The following TMEM132B variants were observed in gnomAD, a reference collection of about 807,000 sequenced individuals.
TMEM132B encodes the protein transmembrane protein 132B.
Under a neutral mutation model 90.8 loss-of-function variants are expected in TMEM132B, and 18 were observed. The ratio of observed to expected loss-of-function variants is 0.20; its 90% CI spans 0.14 to 0.29. TMEM132B has a LOEUF of 0.29. Among genes scored for constraint, TMEM132B ranks in the 10% least tolerant of loss-of-function variants. The probability of loss-of-function intolerance (pLI) is 1.00; values close to 1 mark genes in which losing one functional copy is unlikely to be tolerated. For missense variants in TMEM132B, 1,096 were observed against 1,326.8 expected (o/e 0.83, Z 2.70); for synonymous variants, 504 against 523.3 (o/e 0.96, Z 0.50).
intron 5 of TMEM132B, among the ~76,000 whole-genome samples, chr12:125,641,410 A>G (rs1285832234): frequency 6.6e-6 from 1 of 152,198 alleles, no homozygotes; most frequent in Admixed American, 6.5e-5. Context: ...GTTTCTGTAT[A>G]TCTAATATAT....
chr12:125,328,935 GCAA>G (rs1876678546), intron 1 of TMEM132B, among the ~76,000 whole-genome samples: 1 of 152,160 alleles, frequency 6.6e-6, no homozygotes, highest in South Asian at 2.1e-4. Context: ...TATCCTCCCT[GCAA>G]CTTCAGTGCC....
At chr12:125,606,142 T>C (rs917872600) in intron 5 of TMEM132B, among the ~76,000 whole-genome samples, 3 of 152,094 alleles carry the variant, frequency 2.0e-5, no homozygotes, top group African/African-American at 4.8e-5. Context: ...CCGAGAGATA[T>C]TGTGTCCTCT....
intron 3 of TMEM132B, among the ~76,000 whole-genome samples, chr12:125,417,720 CTCCT>C (rs1880056074): frequency 1.3e-5 from 2 of 152,150 alleles, no homozygotes. Context: ...AGGCCCTTCC[CTCCT>C]GGAGGCAAGA....
chr12:125,274,819 C>A (rs1391780479), intron 1 of TMEM132B, among the ~76,000 whole-genome samples: 1 of 152,096 alleles, frequency 6.6e-6, no homozygotes, highest in Non-Finnish European at 1.5e-5. Flanking sequence ...GCCTCTCATT[C>A]ACCTGAGATG....
intron 3 of TMEM132B, among the ~76,000 whole-genome samples, chr12:125,444,728 G>T (rs960965762): frequency 2.0e-5 from 3 of 152,144 alleles, no homozygotes; most frequent in Non-Finnish European, 4.4e-5. Context: ...CACTAATCTA[G>T]GTGTTGCAAT....
rs767342934 is a variant in TMEM132B at position 125,652,568 on chromosome 12, G to A, written c.2042G>A (p.Arg681Gln). The change falls in exon 8 of 9, where the codon CGA (arginine) becomes CAA (glutamine). Residue 681 changes from arginine to glutamine, a missense_variant. Coordinates refer to ENST00000682704, the MANE Select transcript of TMEM132B (RefSeq NM_001366854.1). ...AGMSLSLQPH[R>Q]ADKRAIVSTA... Reference sequence around the variant, plus strand: ...ATGTCTCTCTCCCTGCAGCCACACCGAGCAGACAAAAGGGCCATCGTCTCC... The same window carrying A: ...ATGTCTCTCTCCCTGCAGCCACACCAAGCAGACAAAAGGGCCATCGTCTCC... 49 of 1,613,780 alleles carry A rather than the reference G, an allele frequency of 3.0e-5. No individual in the cohort carries two copies. Among genetic ancestry groups the A allele is most frequent in the Non-Finnish European group, 3.8e-5 (45 of 1,179,792 alleles).
At chr12:125,418,699 C>T (rs1880091319) in intron 3 of TMEM132B, among the ~76,000 whole-genome samples, 1 of 152,162 alleles carries the variant, frequency 6.6e-6, no homozygotes, top group Non-Finnish European at 1.5e-5. Context: ...TATGTACAAA[C>T]TGCCTGAAAT....
chr12:125,564,939 G>T (rs1315872286), intron 4 of TMEM132B, among the ~76,000 whole-genome samples: 1 of 152,206 alleles, frequency 6.6e-6, no homozygotes, highest in Non-Finnish European at 1.5e-5. Flanking sequence ...TGTGGGAGGT[G>T]TGAAGGATGA....
At chr12:125,524,123 C>T (rs909415790) in intron 4 of TMEM132B, among the ~76,000 whole-genome samples, 14 of 152,228 alleles carry the variant, frequency 9.2e-5, no homozygotes, top group African/African-American at 2.4e-4. Flanking sequence ...ACCTAACCTC[C>T]CTTTGCTTTA....
intron 1 of TMEM132B, among the ~76,000 whole-genome samples, chr12:125,229,802 G>A (rs894610504): frequency 6.6e-6 from 1 of 152,252 alleles, no homozygotes; most frequent in African/African-American, 2.4e-5. Flanking sequence ...GGCTGCTGAT[G>A]TTCCCGGCCT....
intron 5 of TMEM132B, among the ~76,000 whole-genome samples, chr12:125,589,176 C>A (rs1430428941): frequency 6.6e-6 from 1 of 152,090 alleles, no homozygotes; most frequent in African/African-American, 2.4e-5. Context: ...ATTTTGTTCT[C>A]ACATTGCTAT....
intron 1 of TMEM132B, among the ~76,000 whole-genome samples, chr12:125,241,530 G>A (rs1471934845): frequency 6.6e-6 from 1 of 152,294 alleles, no homozygotes; most frequent in East Asian, 1.9e-4. Context: ...GATGTGACTC[G>A]TGACTCGAGA....
Position 125,634,949 on chromosome 12 carries a change from C to T in TMEM132B, c.1438-9127C>T, listed in dbSNP as rs77139734. 2.0e-5 allele frequency among the ~76,000 whole-genome samples: 3 copies of T among 152,134 alleles called. No individual in the cohort carries two copies. The South Asian group carries it at 6.2e-4, about 32-fold the overall frequency. The stretch of plus-strand genomic sequence containing the variant: ...AGCTGGTATCTCAGTAGGTCACGTG[C>T]CCCCAGGTCCACTGGCCCTGGGCCC... On this transcript the variant is annotated intron_variant, in intron 5 of 8. Transcript: ENST00000682704.
rs550784578 is a variant in TMEM132B, at chr12:125,363,557, T to G, written c.959+13214T>G. ...TTTTTTGGGCCTGAGTGAAATAGGG[T>G]TGGTGGCACCCCTAGGACTTTCTAT... is the stretch of plus-strand genomic sequence containing the variant. On this transcript the variant is annotated intron_variant, in intron 2 of 8. Coordinates refer to ENST00000682704, the MANE Select transcript of TMEM132B (RefSeq NM_001366854.1). Among the ~76,000 whole-genome samples the G allele has an allele frequency of 2.4e-4, 37 of 152,266 alleles. 1 individual carries two copies. The highest frequency in any genetic ancestry group is 8.2e-4 in the African/African-American group (34 of 41,540).
intron 2 of TMEM132B, among the ~76,000 whole-genome samples, chr12:125,376,894 G>C (rs1402903521): frequency 6.6e-6 from 1 of 152,222 alleles, no homozygotes; most frequent in African/African-American, 2.4e-5. Flanking sequence ...TCCAGTGTGG[G>C]GAGCAGGGAA....
chr12:125,613,170 T>A (rs1444740751), intron 5 of TMEM132B, among the ~76,000 whole-genome samples: 8 of 123,670 alleles, frequency 6.5e-5, no homozygotes, highest in African/African-American at 1.2e-4. Context: ...ATTTATATAT[T>A]ATATATAAAT....
At chr12:125,270,336 G>A (rs1201273052) in intron 1 of TMEM132B, among the ~76,000 whole-genome samples, 1 of 152,112 alleles carries the variant, frequency 6.6e-6, no homozygotes, top group African/African-American at 2.4e-5. Flanking sequence ...GTTAGCATAT[G>A]ATCCTTTGCT....
In TMEM132B at chr12:125,349,452, T is replaced by C; in HGVS notation, c.68T>C (p.Val23Ala). The C allele has an allele frequency of 1.2e-6, 2 of 1,603,434 alleles. No individual in the cohort carries two copies. The highest frequency in any genetic ancestry group is 1.7e-5 in the Admixed American group (1 of 58,584). The stretch of plus-strand genomic sequence containing the variant: ...TCTTTTGCTTTCCTTTCTTGTGCAG[T>C]GACAGAGAGTCGAGGGATTGTGGAT... ...LLALTALQCPVTESRGIVDSL... is the reference protein window; with the variant it reads ...LLALTALQCPATESRGIVDSL... The change falls in exon 2 of 9, where the codon GTG (valine) becomes GCG (alanine). Residue 23 changes from valine to alanine, a missense_variant and splice_region_variant. Physicochemically the swap from Val to Ala is moderately conservative, Grantham distance 64. Coordinates refer to ENST00000682704, the MANE Select transcript of TMEM132B (RefSeq NM_001366854.1). The surrounding 1 kb of genome is among the most constrained non-coding windows in gnomAD (Gnocchi z 4.1).
At chr12:125,484,605 T>C (rs1010712678) in intron 3 of TMEM132B, among the ~76,000 whole-genome samples, 3 of 152,072 alleles carry the variant, frequency 2.0e-5, no homozygotes, top group African/African-American at 7.2e-5. Context: ...GCTGTCCTGG[T>C]CTCTATGTTG....
Sources: allele counts gnomAD v4.1 joint callset (sites outside exome capture counted in the v4.1 genomes callset), GRCh38; gene constraint gnomAD v4.1.1; non-coding constraint Gnocchi (gnomAD v3.1); transcripts MANE v1.5; gene names NCBI Gene and HGNC (gene_info 2026-07-23, HGNC 2026-07-21).